Variants in PDE4D observed in about 807,000 individuals in gnomAD.
PDE4D encodes phosphodiesterase 4D.
A neutral mutation model predicts 87.4 loss-of-function variants in PDE4D; 24 were observed. The observed-to-expected ratio is 0.27, with a 90% CI of 0.20 to 0.39. The LOEUF is 0.39. Among genes scored for constraint, PDE4D ranks in the 10% least tolerant of loss-of-function variants. The pLI, the probability that PDE4D is intolerant of heterozygous loss-of-function variation, is 1.00. For missense variants in PDE4D, 714 were observed against 1,041.0 expected, an observed-to-expected ratio of 0.69 and a Z score of 4.32; for synonymous variants, 384 against 383.2, an observed-to-expected ratio of 1.00 and a Z score of -0.02.
At chr5:60,378,382 T>C (rs1761590238) in intron 1 of PDE4D, among the ~76,000 whole-genome samples, 1 of 152,164 alleles carries the variant, frequency 6.6e-6, no homozygotes, top group Non-Finnish European at 1.5e-5. Context: ...ACCTACTTAA[T>C]TTACCTTCGT....
intron 3 of PDE4D, among the ~76,000 whole-genome samples, chr5:59,938,528 T>C (rs1192794082): frequency 6.6e-6 from 1 of 152,170 alleles, no homozygotes; most frequent in Admixed American, 6.5e-5. Flanking sequence ...TCCAAGGATA[T>C]TTCTACATTA....
intron 1 of PDE4D, among the ~76,000 whole-genome samples, chr5:60,282,237 A>T (rs985747941): frequency 1.5e-5 from 2 of 134,740 alleles, no homozygotes; most frequent in Admixed American, 7.4e-5. Flanking sequence ...ATATATATAT[A>T]TTTCTCAAAA....
At chr5:60,106,215 C>G (rs1010072244) in intron 2 of PDE4D, among the ~76,000 whole-genome samples, 2 of 151,718 alleles carry the variant, frequency 1.3e-5, no homozygotes, top group African/African-American at 2.4e-5. Flanking sequence ...ATCCTAGTCT[C>G]TGATAAAACA....
intron 1 of PDE4D, among the ~76,000 whole-genome samples, chr5:59,302,684 C>T (rs1023427837): frequency 6.6e-6 from 1 of 152,148 alleles, no homozygotes; most frequent in African/African-American, 2.4e-5. Context: ...CAATCTCATC[C>T]AGGTCACTGC....
intron 1 of PDE4D, chr5:59,275,486 A>C: frequency 1.3e-6 from 2 of 1,537,202 alleles, no homozygotes; most frequent in South Asian, 2.5e-5. Flanking sequence ...GAAGATTTTA[A>C]AGATATTCCA....
At chr5:60,172,328 G>C (rs1194442363) in intron 2 of PDE4D, among the ~76,000 whole-genome samples, 1 of 149,554 alleles carries the variant, frequency 6.7e-6, no homozygotes, top group African/African-American at 2.5e-5. Flanking sequence ...AACGTATTCA[G>C]ACTTCTGTGG....
chr5:59,528,906 C>T (rs1007884754), intron 1 of PDE4D: 3 of 374,198 alleles, frequency 8.0e-6, no homozygotes, highest in African/African-American at 6.3e-5. Flanking sequence ...CCACTCTGCC[C>T]TTGACCCTCG....
At chr5:59,680,952 G>T (rs1748899550) in intron 1 of PDE4D, among the ~76,000 whole-genome samples, 1 of 151,640 alleles carries the variant, frequency 6.6e-6, no homozygotes, top group Non-Finnish European at 1.5e-5. Flanking sequence ...GGTATGTGTG[G>T]GTATGCATAT....
At chr5:60,127,223 A>G (rs938451771) in intron 2 of PDE4D, among the ~76,000 whole-genome samples, 8 of 152,176 alleles carry the variant, frequency 5.3e-5, no homozygotes, top group African/African-American at 1.9e-4. Context: ...GATAAGGCAG[A>G]AAGGAGGCTG....
chr5:60,513,579 A>G (rs77265500), intron 1 of PDE4D, among the ~76,000 whole-genome samples: 16,576 of 152,090 alleles, frequency 0.11, 956 homozygotes, highest in Middle Eastern at 0.15. Context: ...TAAAACTTCA[A>G]CATATATAGA....
chr5:59,119,321 A>G (rs1377708382), intron 5 of PDE4D, among the ~76,000 whole-genome samples: 1 of 152,206 alleles, frequency 6.6e-6, no homozygotes, highest in Non-Finnish European at 1.5e-5. Context: ...TTTAAATACC[A>G]AGAGAGAAGA....
At chr5:59,425,800 C>G (rs990120777) in intron 1 of PDE4D, among the ~76,000 whole-genome samples, 1 of 152,150 alleles carries the variant, frequency 6.6e-6, no homozygotes, top group Non-Finnish European at 1.5e-5. Context: ...CATGAAGCCA[C>G]TAATTATTCA....
chr5:59,122,979 A>ACACAG (rs1774806977), intron 5 of PDE4D, among the ~76,000 whole-genome samples: 1 of 152,150 alleles, frequency 6.6e-6, no homozygotes, highest in South Asian at 2.1e-4. Flanking sequence ...GTAACATCAG[A>ACACAG]CACAGCCTCT....
intron 2 of PDE4D, among the ~76,000 whole-genome samples, chr5:60,042,998 C>T (rs767506362): frequency 3.3e-5 from 5 of 151,636 alleles, no homozygotes; most frequent in African/African-American, 7.3e-5. Flanking sequence ...CAAATGGCTC[C>T]GAGCTAAAGA....
intron 1 of PDE4D, among the ~76,000 whole-genome samples, chr5:59,374,688 A>G (rs1035449718): frequency 2.0e-5 from 3 of 152,214 alleles, no homozygotes; most frequent in Admixed American, 6.5e-5. Flanking sequence ...ATAGATATCT[A>G]CAGAAGTCTC....
intron 3 of PDE4D, among the ~76,000 whole-genome samples, chr5:59,902,679 C>T (rs907247855): frequency 6.6e-6 from 1 of 152,004 alleles, no homozygotes; most frequent in Non-Finnish European, 1.5e-5. Flanking sequence ...AATTGTAACC[C>T]CACAGGGTAG....
rs546579370 is a variant in PDE4D, at chr5:59,248,180, C to T, written c.456-32212G>A. ...ATACAAGAAAAAGAAAATTTGTGAGCGGATAAGAAAAAATATAAGATTTTA... is the reference window on the plus strand; with the variant it reads ...ATACAAGAAAAAGAAAATTTGTGAGTGGATAAGAAAAAATATAAGATTTTA... On this transcript the variant is annotated intron_variant, in intron 1 of 14. Transcript: ENST00000340635. Among the ~76,000 whole-genome samples the T allele has an allele frequency of 6.2e-5, 9 of 144,686 alleles. No homozygotes were observed. The East Asian group carries it at 1.2e-3, about 20-fold the overall frequency. The allele number at this position is 144,686 out of a possible 152,430, so 94.9% of individuals were successfully genotyped here.
chr5:60,165,037 C>A (rs894311128), intron 2 of PDE4D, among the ~76,000 whole-genome samples: 2 of 152,106 alleles, frequency 1.3e-5, no homozygotes, highest in Non-Finnish European at 2.9e-5. Flanking sequence ...TTTGTCCAAG[C>A]CCCCTCCCCC....
intron 1 of PDE4D, among the ~76,000 whole-genome samples, chr5:60,501,168 A>G (rs968446389): frequency 6.6e-6 from 1 of 151,932 alleles, no homozygotes; most frequent in African/African-American, 2.4e-5. Flanking sequence ...ACCCCACAAC[A>G]GTCCCCAGAG....
Sources: gnomAD v4.1 joint callset for allele counts (sites outside exome capture counted in the v4.1 genomes callset) on GRCh38, gnomAD v4.1.1 for gene constraint, MANE v1.5 for transcripts, NCBI Gene and HGNC (gene_info 2026-07-23, HGNC 2026-07-21) for gene names.